PHOSPHO2: variants seen among roughly 807,000 people sequenced by gnomAD.
PHOSPHO2 encodes the protein pyridoxal phosphate phosphatase PHOSPHO2.
PHOSPHO2 carries 14 observed loss-of-function variants against 16.4 expected under a neutral mutation model. That is an observed-to-expected ratio of 0.85 (90% confidence interval 0.56 to 1.33). The LOEUF (loss-of-function observed/expected upper bound fraction) is 1.33. Ranked by LOEUF, PHOSPHO2 falls within the 40% of genes most tolerant of loss-of-function variation. The pLI is 0.00. For missense variants in PHOSPHO2, 246 were observed against 282.5 expected (o/e 0.87, Z 0.93); for synonymous variants, 85 against 90.5 (o/e 0.94, Z 0.34).
Position 169,701,675 on chromosome 2 carries a change from T to A in PHOSPHO2, c.704T>A (p.Leu235Ter). Reference protein sequence around the residue: ...WSSGVDIISHLQFLIKD With the variant: ...WSSGVDIISH ...TCAGGTGTTGATATAATTTCTCATT[T>A]ACAATTTCTAATAAAGGATTAATAT... Residue 235 changes from leucine to a stop codon, truncating the protein, a stop_gained, in exon 4 of 4, where the codon TTA becomes TAA. Transcript: ENST00000359744. LOFTEE classifies it high-confidence loss of function. 6.5e-7 allele frequency: 1 copy of A among 1,550,280 alleles called. No individual in the cohort carries two copies. The highest frequency in any genetic ancestry group is 8.7e-7 in the Non-Finnish European group (1 of 1,150,126).
intron 2 of PHOSPHO2, among the ~76,000 whole-genome samples, chr2:169,695,726 C>T (rs971680724): frequency 2.0e-5 from 3 of 152,020 alleles, no homozygotes; most frequent in Non-Finnish European, 2.9e-5. Flanking sequence ...TCATGGAAGA[C>T]ACAAGACTAT....
chr2:169,700,085 A>G lies in PHOSPHO2; in HGVS notation c.-26-861A>G, dbSNP rs565099793. 5.1e-4 allele frequency among the ~76,000 whole-genome samples: 78 copies of G among 152,152 alleles called. 2 individuals are homozygous for G. The highest frequency in any genetic ancestry group is 9.7e-4 in the Non-Finnish European group (66 of 68,018). On this transcript the variant is annotated intron_variant, in intron 3 of 3. Coordinates refer to ENST00000359744, the MANE Select transcript of PHOSPHO2 (RefSeq NM_001008489.4). The stretch of plus-strand genomic sequence containing the variant: ...TTTTCAACTTTATAATAGTTGCTGG[A>G]TATTAGACCTTTGTCAGATGGATAA...
At chr2:169,695,506 G>A (rs1378377574) in intron 2 of PHOSPHO2, among the ~76,000 whole-genome samples, 2 of 152,114 alleles carry the variant, frequency 1.3e-5, no homozygotes, top group African/African-American at 4.8e-5. Flanking sequence ...GCGTGGTGGC[G>A]GGCGCCTGTA....
intron 2 of PHOSPHO2, among the ~76,000 whole-genome samples, chr2:169,696,269 A>G (rs974459051): frequency 6.6e-6 from 1 of 152,210 alleles, no homozygotes; most frequent in African/African-American, 2.4e-5. Context: ...TAGCATATGC[A>G]CTCTGATCTG....
intron 2 of PHOSPHO2, among the ~76,000 whole-genome samples, chr2:169,695,800 T>C (rs753197010): frequency 6.6e-5 from 10 of 152,146 alleles, no homozygotes; most frequent in South Asian, 2.1e-4. Flanking sequence ...CTGAGTTCCC[T>C]AAAGCCCCAG....
chr2:169,696,071 G>A (rs181088858), intron 2 of PHOSPHO2, among the ~76,000 whole-genome samples: 1 of 152,242 alleles, frequency 6.6e-6, no homozygotes, highest in Non-Finnish European at 1.5e-5. Flanking sequence ...AACAAAATTG[G>A]TTACAAAAGT....
At position 169,701,472 on chromosome 2, in the gene PHOSPHO2, G is replaced by A. The variant is rs1687753565; in HGVS notation, c.501G>A (p.Gln167=). The change falls in exon 4 of 4, where the codon CAG becomes CAA. Residue 167 remains glutamine, a synonymous_variant. Transcript: ENST00000359744. ...LIEFVDKQLQ[Q]GVNYTQIVYI... is the part of the protein sequence containing the mutation. ...AATTTGTAGATAAACAGTTACAACA[G>A]GGAGTGAATTATACACAAATTGTTT... The A allele has an allele frequency of 6.2e-7, 1 of 1,612,652 alleles. No homozygotes were observed. Among genetic ancestry groups the A allele is most frequent in the Admixed American group, 1.7e-5 (1 of 59,884 alleles).
At chr2:169,697,688 G>A (rs1331291725) in intron 3 of PHOSPHO2, among the ~76,000 whole-genome samples, 157 bp downstream of exon 3, 1 of 152,208 alleles carries the variant, frequency 6.6e-6, no homozygotes, top group African/African-American at 2.4e-5. Context: ...TCAGTAATTT[G>A]TGGCTAATTA....
intron 2 of PHOSPHO2, among the ~76,000 whole-genome samples, chr2:169,695,833 G>A (rs1357564953): frequency 6.6e-6 from 1 of 152,126 alleles, no homozygotes; most frequent in East Asian, 1.9e-4. Flanking sequence ...AATGCAAAGT[G>A]GGCAAGAAGT....
chr2:169,699,207 T>C, intron 3 of PHOSPHO2, among the ~76,000 whole-genome samples: 1 of 150,312 alleles, frequency 6.7e-6, no homozygotes, highest in African/African-American at 2.4e-5. Flanking sequence ...CAGGGTATGT[T>C]ATTCCCTTCC....
chr2:169,694,703 G>C (rs1215372287), intron 1 of PHOSPHO2, 81 bp downstream of exon 1: 2 of 354,082 alleles, frequency 5.6e-6, no homozygotes, highest in Non-Finnish European at 1.1e-5. Context: ...GACGACCCCC[G>C]ATTGGGTCCG....
At position 169,694,531 on chromosome 2, in the gene PHOSPHO2, G is replaced by A; in HGVS notation, c.-322G>A. 1.6e-6 allele frequency: 1 copy of A among 630,476 alleles called. No homozygotes were observed. Among genetic ancestry groups the A allele is most frequent in the Non-Finnish European group, 2.8e-6 (1 of 352,602 alleles). The allele number at this position is 630,476 out of a possible 1,614,324, so 39.1% of individuals were successfully genotyped here. ...GCTTGCGAGCTGGGCTTGTGAGTGG[G>A]GCTGCCGAGAGGGCAGGCGTGGGGC... On this transcript the variant is annotated 5_prime_UTR_variant, in exon 1 of 4. Transcript: ENST00000359744.
In PHOSPHO2 at chr2:169,701,351, C is replaced by G; in HGVS notation, c.380C>G (p.Ala127Gly). ...GATAAAGTGTTTACAAATCCAGCAGCTTTTAATAGCAATGGTCATCTCACT... is the reference window on the plus strand; with the variant it reads ...GATAAAGTGTTTACAAATCCAGCAGGTTTTAATAGCAATGGTCATCTCACT... ...IFDKVFTNPA[A>G]FNSNGHLTVE... is the part of the protein sequence containing the mutation. The change falls in exon 4 of 4, where the codon GCT becomes GGT. Residue 127 changes from alanine (A) to glycine (G), a missense_variant. Physicochemically the swap from Ala to Gly is moderately conservative, Grantham distance 60 (BLOSUM62 0). Transcript: ENST00000359744. 1 of 1,613,470 alleles carries G rather than the reference C, an allele frequency of 6.2e-7. No individual in the cohort carries two copies. Among genetic ancestry groups the G allele is most frequent in the Non-Finnish European group, 8.5e-7 (1 of 1,179,852 alleles).
chr2:169,697,737 A>G (rs770512412), intron 3 of PHOSPHO2: 1 of 152,246 alleles, frequency 6.6e-6, no homozygotes, highest in African/African-American at 2.4e-5. Flanking sequence ...ACAGTGAGTT[A>G]CATTTGAAAT....
At chr2:169,696,726 T>C (rs1328431138) in intron 2 of PHOSPHO2, among the ~76,000 whole-genome samples, 9 of 152,248 alleles carry the variant, frequency 5.9e-5, no homozygotes, top group Admixed American at 5.2e-4. Context: ...TCTTTGTTCA[T>C]ATTCTTAATT....
Position 169,701,173 on chromosome 2 carries a change from G to A in PHOSPHO2, c.202G>A (p.Ala68Thr). Residue 68 changes from alanine (A) to threonine (T), a missense_variant, in exon 4 of 4, where the codon GCA becomes ACA. By Grantham distance (58) the Ala-to-Thr change is moderately conservative. Transcript: ENST00000359744. ...KGVREHEMKR[A>T]VTSLPFTPGM... ...TGTAAGAGAACATGAAATGAAAAGA[G>A]CAGTGACATCATTGCCTTTCACTCC... 6.2e-7 allele frequency: 1 copy of A among 1,614,038 alleles called. No homozygotes were observed. The highest frequency in any genetic ancestry group is 2.2e-5 in the East Asian group (1 of 44,842).
chr2:169,701,651 C>G lies in PHOSPHO2; in HGVS notation c.680C>G (p.Ser227Ter), dbSNP rs1290561701. The G allele has an allele frequency of 1.3e-6, 2 of 1,578,222 alleles. No homozygotes were observed. The highest frequency in any genetic ancestry group is 3.6e-5 in the Admixed American group (2 of 55,390). ...GAATATTCTGTTGTAGTTTGGTCCT[C>G]AGGTGTTGATATAATTTCTCATTTA... Reference protein sequence around the residue: ...PMEYSVVVWSSGVDIISHLQF... With the variant: ...PMEYSVVVWS Residue 227 changes from serine (S) to a stop codon, truncating the protein, a stop_gained, in exon 4 of 4, where the codon TCA (serine) becomes TGA (stop). Transcript: ENST00000359744. LOFTEE classifies it high-confidence loss of function.
At chr2:169,696,658 A>G (rs1435741551) in intron 2 of PHOSPHO2, among the ~76,000 whole-genome samples, 1 of 152,258 alleles carries the variant, frequency 6.6e-6, no homozygotes, top group African/African-American at 2.4e-5. Context: ...GAGAACAGTT[A>G]ACTTTTTGGA....
chr2:169,694,480 T>C lies in PHOSPHO2; in HGVS notation c.-373T>C. ...ACAAGGGAGGTGCTGCAGTTGGCGG[T>C]CGGGCTAGAGAAGAGAGGCGCCTGC... is the stretch of plus-strand genomic sequence containing the variant. On this transcript the variant is annotated 5_prime_UTR_variant, in exon 1 of 4. Coordinates refer to ENST00000359744, the MANE Select transcript of PHOSPHO2 (RefSeq NM_001008489.4). 1 of 748,370 alleles carries C rather than the reference T, an allele frequency of 1.3e-6. No homozygotes were observed. The highest frequency in any genetic ancestry group is 2.3e-6 in the Non-Finnish European group (1 of 430,582). The allele number at this position is 748,370 out of a possible 1,614,324, so 46.4% of individuals were successfully genotyped here.
Sources: allele counts gnomAD v4.1 joint callset (sites outside exome capture counted in the v4.1 genomes callset), GRCh38; gene constraint gnomAD v4.1.1; transcripts MANE v1.5; gene names NCBI Gene and HGNC (gene_info 2026-07-23, HGNC 2026-07-21).